The following CLASP1 variants were observed in gnomAD, a reference collection of about 807,000 sequenced individuals.
CLASP1 encodes the protein cytoplasmic linker associated protein 1.
A neutral mutation model predicts 192.3 loss-of-function variants in CLASP1; 38 were observed. The observed-to-expected ratio is 0.20, with a 90% confidence interval of 0.15 to 0.26. CLASP1 has a LOEUF of 0.26. Ranked by LOEUF, CLASP1 falls within the 10% of genes least tolerant of loss-of-function variation. CLASP1 has a pLI of 1.00. For missense variants in CLASP1, 1,433 were observed against 1,932.5 expected, an observed-to-expected ratio of 0.74 and a Z score of 4.85; for synonymous variants, 691 against 712.8, an observed-to-expected ratio of 0.97 and a Z score of 0.49.
chr2:121,487,094 CA>C (rs2093024711), intron 8 of CLASP1, among the ~76,000 whole-genome samples: 3 of 152,120 alleles, frequency 2.0e-5, no homozygotes, highest in African/African-American at 4.8e-5. Flanking sequence ...TTGTCCAGGC[CA>C]AAATATGGAA....
At chr2:121,446,007 G>A (rs1385129098) in intron 19 of CLASP1, among the ~76,000 whole-genome samples, 1 of 152,224 alleles carries the variant, frequency 6.6e-6, no homozygotes, top group African/African-American at 2.4e-5. Flanking sequence ...AGGAGGAAGA[G>A]TTGTTACTTC....
chr2:121,368,187 G>A (rs975106956), intron 34 of CLASP1, among the ~76,000 whole-genome samples: 9 of 152,094 alleles, frequency 5.9e-5, no homozygotes, highest in Admixed American at 2.0e-4. Flanking sequence ...GACCAGCAAC[G>A]GGGGCTTCTC....
At chr2:121,611,733 G>A (rs1288978021) in intron 1 of CLASP1, among the ~76,000 whole-genome samples, 2 of 148,304 alleles carry the variant, frequency 1.3e-5, no homozygotes, top group African/African-American at 5.0e-5. Flanking sequence ...AGGAGGTGTT[G>A]GAGGAGTTAC....
At chr2:121,570,472 G>T (rs1463496986) in intron 2 of CLASP1, among the ~76,000 whole-genome samples, 1 of 152,350 alleles carries the variant, frequency 6.6e-6, no homozygotes, top group South Asian at 2.1e-4. Flanking sequence ...ACTCCCACAT[G>T]CCTGATTGTT....
At chr2:121,486,690 G>T (rs1219921542) in intron 8 of CLASP1, among the ~76,000 whole-genome samples, 1 of 152,152 alleles carries the variant, frequency 6.6e-6, no homozygotes, top group East Asian at 1.9e-4. Context: ...ATTTGGAAAA[G>T]GTTTCCTACC....
chr2:121,615,661 G>A (rs1235234896), intron 1 of CLASP1, among the ~76,000 whole-genome samples: 1 of 152,080 alleles, frequency 6.6e-6, no homozygotes, highest in East Asian at 1.9e-4. Context: ...GCACACGCCT[G>A]TAATCTCAGC....
intron 22 of CLASP1, among the ~76,000 whole-genome samples, chr2:121,420,085 A>C (rs1017659317): frequency 7.9e-5 from 12 of 151,926 alleles, no homozygotes; most frequent in African/African-American, 2.4e-4. Flanking sequence ...GTGGAACTAG[A>C]CTCTGAAGGC....
chr2:121,565,453 A>G (rs896389978), intron 2 of CLASP1, among the ~76,000 whole-genome samples: 19 of 152,232 alleles, frequency 1.2e-4, no homozygotes, highest in Admixed American at 6.5e-5. Flanking sequence ...CTGTGTTCAC[A>G]TAAAAGGAGA....
At chr2:121,407,431 G>C in intron 25 of CLASP1, 40 bp downstream of exon 26, 1 of 1,610,306 alleles carries the variant, frequency 6.2e-7, no homozygotes, top group Non-Finnish European at 8.5e-7. Context: ...AGTCCAACAG[G>C]AGATTCAAAC....
At chr2:121,385,635 T>G (rs1474334061) in intron 32 of CLASP1, among the ~76,000 whole-genome samples, 2 of 152,222 alleles carry the variant, frequency 1.3e-5, no homozygotes, top group East Asian at 3.8e-4. Flanking sequence ...GAGTTATCCC[T>G]TTTGACTTAC....
intron 8 of CLASP1, among the ~76,000 whole-genome samples, chr2:121,475,160 C>T (rs983099044): frequency 1.3e-5 from 2 of 152,076 alleles, no homozygotes; most frequent in African/African-American, 4.8e-5. Context: ...TTTCCCATCT[C>T]GATTGGAAAT....
chr2:121,438,885 G>A (rs1293440981), intron 19 of CLASP1, among the ~76,000 whole-genome samples: 1 of 151,200 alleles, frequency 6.6e-6, no homozygotes. Flanking sequence ...CTATTGATTG[G>A]AATAGTTTCA....
intron 26 of CLASP1, chr2:121,403,854 C>G: frequency 4.4e-6 from 2 of 453,114 alleles, no homozygotes; most frequent in Non-Finnish European, 4.4e-6. Context: ...GCTAAGTGAT[C>G]CCCGTTCAGC....
exon 2 of CLASP1, chr2:121,605,938 C>CACGATG: frequency 6.4e-7 from 1 of 1,565,970 alleles, no homozygotes; most frequent in South Asian, 1.1e-5. Flanking sequence ...AGAGGGCAGT[C>CACGATG]ACGATGACTC....
At chr2:121,425,283 C>T in exon 22 of CLASP1, 1 of 1,612,220 alleles carries the variant, frequency 6.2e-7, no homozygotes, top group Non-Finnish European at 8.5e-7. Flanking sequence ...AACAATTTTC[C>T]TGGGGAACTT....
At chr2:121,376,535 G>T (rs1327280635) in intron 34 of CLASP1, among the ~76,000 whole-genome samples, 3 of 150,634 alleles carry the variant, frequency 2.0e-5, no homozygotes, top group African/African-American at 7.3e-5. Context: ...GTGGGGGGGG[G>T]GTCGGGGAGG....
chr2:121,629,207 G>A (rs987629542), intron 1 of CLASP1, among the ~76,000 whole-genome samples: 3 of 151,498 alleles, frequency 2.0e-5, no homozygotes, highest in African/African-American at 4.9e-5. Context: ...TGGCTAACAC[G>A]GTGAAACCCC....
rs568872105 is a variant in CLASP1 at position 121,550,338 on chromosome 2, G to A, written c.196-20013C>T. On this transcript the variant is annotated intron_variant, in intron 2 of 39. Coordinates refer to ENST00000263710, the Ensembl canonical transcript of CLASP1. Reference sequence around the variant, plus strand: ...CCTAACATCACAACTGAAAGAATTAGAGAAGCAAGGACAAATCAACCCAAA... The same window carrying A: ...CCTAACATCACAACTGAAAGAATTAAAGAAGCAAGGACAAATCAACCCAAA... Among the ~76,000 whole-genome samples, 3 of 152,072 alleles carry A rather than the reference G, an allele frequency of 2.0e-5. No individual in the cohort carries two copies. The South Asian group carries it at 6.2e-4, about 32-fold the overall frequency.
At chr2:121,424,869 C>A (rs913792737) in intron 22 of CLASP1, among the ~76,000 whole-genome samples, 1 of 152,150 alleles carries the variant, frequency 6.6e-6, no homozygotes, top group Non-Finnish European at 1.5e-5. Context: ...CCTGCTATTT[C>A]CCCAATTCCA....
Sources: gnomAD v4.1 joint callset for allele counts (sites outside exome capture counted in the v4.1 genomes callset) on GRCh38, gnomAD v4.1.1 for gene constraint, MANE v1.5 for transcripts, NCBI Gene and HGNC (gene_info 2026-07-23, HGNC 2026-07-21) for gene names.